Variants in PRR35 observed in about 807,000 individuals in gnomAD.
PRR35 encodes proline-rich protein 35.
A neutral mutation model predicts 18.6 loss-of-function variants in PRR35; 14 were observed. The observed-to-expected ratio is 0.75, with a 90% CI of 0.50 to 1.18. The LOEUF (loss-of-function observed/expected upper bound fraction) is 1.18, where lower values mean the gene tolerates loss of function less well. Among genes scored for constraint, PRR35 ranks in the 50% most tolerant of loss-of-function variants. PRR35 has a pLI of 0.00. For synonymous variants in PRR35, 425 were observed against 378.2 expected (o/e 1.12, Z -1.43); for missense variants, 832 against 792.2 (o/e 1.05, Z -0.60).
rs1295626066 is a variant in PRR35 at position 560,486 on chromosome 16, G to C, written c.-215G>C. 4 of 982,376 alleles carry C rather than the reference G, an allele frequency of 4.1e-6. No individual in the cohort carries two copies. In the East Asian group the frequency reaches 4.6e-4, roughly 112 times the overall value. 60.9% of individuals were successfully genotyped at this position (982,376 alleles called of 1,614,324 possible). On this transcript the variant is annotated 5_prime_UTR_variant, in exon 1 of 3. Coordinates refer to ENST00000409413, the MANE Select transcript of PRR35 (RefSeq NM_145270.3). ...GCTCGAGGGACCGCGGACCCGGGAG[G>C]TCCGGCTCCCGGCGCCGGGCCTCAG...
intron 1 of PRR35, among the ~76,000 whole-genome samples, chr16:562,933 G>T (rs561215486): frequency 6.6e-6 from 1 of 152,138 alleles, no homozygotes; most frequent in African/African-American, 2.4e-5. Flanking sequence ...GATAAACAAT[G>T]AACACCTTTC....
chr16:562,511 GCA>G (rs994740397), intron 1 of PRR35, among the ~76,000 whole-genome samples: 65 of 119,764 alleles, frequency 5.4e-4, no homozygotes, highest in Admixed American at 1.5e-3. Flanking sequence ...AGAGGCACAT[GCA>G]CACACAGGCG....
At chr16:564,450 G>T in intron 2 of PRR35, 74 bp downstream of exon 2, 1 of 1,537,480 alleles carries the variant, frequency 6.5e-7, no homozygotes, top group Non-Finnish European at 8.7e-7. Flanking sequence ...TTGGGCGGCT[G>T]GGCATGGCGG....
At position 565,226 on chromosome 16, in the gene PRR35, G is replaced by GGGCACCTGTGTTGCGACGA; in HGVS notation, c.1638_1656dup (p.Ser553HisfsTer12). 1 of 1,609,002 alleles carries GGGCACCTGTGTTGCGACGA rather than the reference G, an allele frequency of 6.2e-7. No individual in the cohort carries two copies. Among genetic ancestry groups the GGGCACCTGTGTTGCGACGA allele is most frequent in the Non-Finnish European group, 8.5e-7 (1 of 1,178,264 alleles). On this transcript the variant is annotated frameshift_variant, in exon 3 of 3. Transcript: ENST00000409413. LOFTEE classifies it low-confidence loss of function (END_TRUNC). ...ACCCTGTCATTCCTGGCAGTGGCTG[G>GGGCACCTGTGTTGCGACGA]GGCACCTGTGTTGCGACGAGGAGTT...
chr16:565,487 T>G lies in PRR35; in HGVS notation c.*180T>G, dbSNP rs2035524559. On this transcript the variant is annotated 3_prime_UTR_variant, in exon 3 of 3. Transcript: ENST00000409413. ...CAGGGACACTGGAGGTCACAGTTAT[T>G]TATTGATCACAATTGTGGACATTAA... 4 of 575,520 alleles carry G rather than the reference T, an allele frequency of 7.0e-6. No individual in the cohort carries two copies. In the South Asian group the frequency reaches 1.4e-4, roughly 21 times the overall value. The allele number at this position is 575,520 out of a possible 1,614,324, so 35.7% of individuals were successfully genotyped here.
intron 1 of PRR35, among the ~76,000 whole-genome samples, chr16:561,015 C>G (rs984858137): frequency 6.9e-6 from 1 of 144,740 alleles, no homozygotes; most frequent in African/African-American, 2.8e-5. Context: ...TGTGGGGGTG[C>G]CTGTGCCCCC....
rs749056282 is a variant in PRR35 at position 565,327 on chromosome 16, G to A, written c.*20G>A. ...GTCTGACCTGCAGCGCCTGAGGTCTGACTGTCTCTGCCTGCAGCATGCCGG... is the reference window on the plus strand; with the variant it reads ...GTCTGACCTGCAGCGCCTGAGGTCTAACTGTCTCTGCCTGCAGCATGCCGG... On this transcript the variant is annotated 3_prime_UTR_variant, in exon 3 of 3. Coordinates refer to ENST00000409413, the MANE Select transcript of PRR35 (RefSeq NM_145270.3). The A allele has an allele frequency of 2.9e-5, 42 of 1,453,406 alleles. No individual in the cohort carries two copies. Among genetic ancestry groups the A allele is most frequent in the Non-Finnish European group, 3.5e-5 (39 of 1,102,508 alleles). The allele number at this position is 1,453,406 out of a possible 1,614,324, so 90.0% of individuals were successfully genotyped here.
Position 563,530 on chromosome 16 carries a change from G to A in PRR35, c.236G>A (p.Gly79Asp). 1 of 1,611,494 alleles carries A rather than the reference G, an allele frequency of 6.2e-7. No individual in the cohort carries two copies. Reference protein sequence around the residue: ...LDSPDWACRRGSTTPRPHAPT... With the variant: ...LDSPDWACRRDSTTPRPHAPT... ...TCCCCAGACTGGGCGTGCCGCCGTG[G>A]CTCCACCACGCCTAGGCCCCACGCA... The change falls in exon 2 of 3, where the codon GGC (glycine) becomes GAC (aspartate). Residue 79 changes from glycine (G) to aspartate (D), a missense_variant. Gly to Asp is a moderately conservative substitution (Grantham distance 94, BLOSUM62 -1). Transcript: ENST00000409413.
In PRR35 at chr16:563,314, C is replaced by T. The variant is rs199703751; in HGVS notation, c.20C>T (p.Ser7Leu). ...GCTGCCATGTCGCGGGAGGCGGGCT[C>T]ATGCCGCGTGGGCACAGGGGCGAGG... is the stretch of plus-strand genomic sequence containing the variant. MSREAG[S>L]CRVGTGARAR... The change falls in exon 2 of 3, where the codon TCA becomes TTA. Residue 7 changes from serine to leucine, a missense_variant. By Grantham distance (145) the Ser-to-Leu change is moderately radical (BLOSUM62 -2). This residue lies in a region of PRR35 where 56 missense variants were observed against 64.8 expected (regional missense o/e 0.86). Transcript: ENST00000409413. The T allele has an allele frequency of 1.6e-5, 26 of 1,609,318 alleles. No homozygotes were observed. The highest frequency in any genetic ancestry group is 3.3e-5 in the Admixed American group (2 of 59,870).
In PRR35 at chr16:564,735, A is replaced by T. The variant is rs935670890; in HGVS notation, c.1144A>T (p.Thr382Ser). 6.5e-7 allele frequency: 1 copy of T among 1,532,024 alleles called. No homozygotes were observed. Among genetic ancestry groups the T allele is most frequent in the Admixed American group, 2.0e-5 (1 of 50,868 alleles). 94.9% of individuals were successfully genotyped at this position (1,532,024 alleles called of 1,614,324 possible). The change falls in exon 3 of 3, where the codon ACC becomes TCC. Residue 382 changes from threonine (T) to serine (S), a missense_variant. By Grantham distance (58) the Thr-to-Ser change is moderately conservative. Around this residue, in one of 3 missense-constraint regions of PRR35, gnomAD observed 768 missense variants for 704.1 expected, o/e 1.09. Coordinates refer to ENST00000409413, the MANE Select transcript of PRR35 (RefSeq NM_145270.3). ...GGACGGGGATCCAGGCGGCCCTGAG[A>T]CCCCCGGCCCTGAGGGCCCCCTCCC... ...PEDGDPGGPE[T>S]PGPEGPLPLQ...
At chr16:561,684 G>A (rs544174573) in intron 1 of PRR35, 9 of 966,350 alleles carry the variant, frequency 9.3e-6, no homozygotes, top group East Asian at 1.1e-4. Flanking sequence ...CCTGTTGGTC[G>A]TCCCCCCAAC....
In PRR35 at chr16:564,987, G is replaced by A. The variant is rs772970667; in HGVS notation, c.1396G>A (p.Asp466Asn). Reference sequence around the variant, plus strand: ...CGTGAGGCCGCCAGACGCACCCCTCGACCTCTCTGTGAAACGTGCGCCCGC... The same window carrying A: ...CGTGAGGCCGCCAGACGCACCCCTCAACCTCTCTGTGAAACGTGCGCCCGC... ...QAVRPPDAPL[D>N]LSVKRAPAKG... Residue 466 changes from aspartate (D) to asparagine (N), a missense_variant, in exon 3 of 3, where the codon GAC becomes AAC. This residue lies in a region of PRR35 where 768 missense variants were observed against 704.1 expected (regional missense o/e 1.09). Transcript: ENST00000409413. The A allele has an allele frequency of 1.2e-5, 19 of 1,607,450 alleles. No individual in the cohort carries two copies. The highest frequency in any genetic ancestry group is 1.0e-4 in the Admixed American group (6 of 59,588).
intron 1 of PRR35, among the ~76,000 whole-genome samples, chr16:562,435 C>G (rs1490308933): frequency 6.6e-6 from 1 of 152,192 alleles, no homozygotes; most frequent in East Asian, 1.9e-4. Context: ...CACACGCACT[C>G]ACACATGCAT....
Position 563,613 on chromosome 16 carries a change from C to CT in PRR35, c.319_320insT (p.Pro107LeufsTer9), listed in dbSNP as rs2035479547. On this transcript the variant is annotated frameshift_variant, in exon 2 of 3. Transcript: ENST00000409413. LOFTEE classifies it high-confidence loss of function. ...CGGCAGGCAACCCCAGGGAGCACGG[C>CT]CCACAGGTGCTGCCCCCGCGCCTGA... The CT allele has an allele frequency of 1.3e-6, 2 of 1,588,026 alleles. No homozygotes were observed. The highest frequency in any genetic ancestry group is 1.7e-6 in the Non-Finnish European group (2 of 1,172,282).
In PRR35 at chr16:564,217, G is replaced by T; in HGVS notation, c.923G>T (p.Gly308Val). 3.8e-6 allele frequency: 6 copies of T among 1,570,644 alleles called. No individual in the cohort carries two copies. Among genetic ancestry groups the T allele is most frequent in the Non-Finnish European group, 5.2e-6 (6 of 1,164,322 alleles). ...APGLLKVPVP[G>V]LGPWPRVTPR... ...GGCCTGCTGAAGGTGCCAGTTCCAG[G>T]GCTGGGGCCCTGGCCCCGAGTCACC... The change falls in exon 2 of 3, where the codon GGG becomes GTG. Residue 308 changes from glycine (G) to valine (V), a missense_variant. Physicochemically the swap from Gly to Val is moderately radical, Grantham distance 109. This residue lies in a region of PRR35 where 768 missense variants were observed against 704.1 expected (regional missense o/e 1.09). Coordinates refer to ENST00000409413, the MANE Select transcript of PRR35 (RefSeq NM_145270.3).
In PRR35 at chr16:563,771, T is replaced by C. The variant is rs1299689549; in HGVS notation, c.477T>C (p.Pro159=). 2.7e-6 allele frequency: 4 copies of C among 1,500,940 alleles called. No individual in the cohort carries two copies. The highest frequency in any genetic ancestry group is 3.6e-6 in the Non-Finnish European group (4 of 1,125,420). 93.0% of individuals were successfully genotyped at this position (1,500,940 alleles called of 1,614,324 possible). ...GTCCCGGCCCCAGTGGGCTCCTGCC[T>C]GAGTCGTGGAAGCCGGGGATGGGAG... is the stretch of plus-strand genomic sequence containing the variant. The part of the protein sequence containing the change: ...RKGPGPSGLL[P]ESWKPGMGGD... Residue 159 remains proline (P), a synonymous_variant, in exon 2 of 3, where the codon CCT becomes CCC. Coordinates refer to ENST00000409413, the MANE Select transcript of PRR35 (RefSeq NM_145270.3).
chr16:562,184 G>T (rs2035444806), intron 1 of PRR35, among the ~76,000 whole-genome samples: 1 of 152,242 alleles, frequency 6.6e-6, no homozygotes, highest in South Asian at 2.1e-4. Flanking sequence ...CGCCGTGTGG[G>T]GCGTGGGGAG....
In PRR35 at chr16:564,353, G is replaced by A; in HGVS notation, c.1059G>A (p.Leu353=). 1 of 1,587,840 alleles carries A rather than the reference G, an allele frequency of 6.3e-7. No homozygotes were observed. Residue 353 remains leucine (L), a synonymous_variant, in exon 2 of 3, where the codon CTG becomes CTA. Transcript: ENST00000409413. ...RLELPKASPS[L]TRFCSRSSLP... The stretch of plus-strand genomic sequence containing the variant: ...AGCTTCCGAAGGCATCCCCCAGCCT[G>A]ACAAGGTTCTGTTCCCGGAGCAGGT...
intron 1 of PRR35, among the ~76,000 whole-genome samples, chr16:562,088 GGCGTGCTGTGCACCCCACACAGGC>G (rs2035442666): frequency 6.6e-6 from 1 of 152,256 alleles, no homozygotes; most frequent in Admixed American, 6.5e-5. Context: ...CGTGTGCGCA[GGCGTGCTGTGCACCCCACACAGGC>G]GCGTGCTGGG....
Sources: gnomAD v4.1 joint callset for allele counts (sites outside exome capture counted in the v4.1 genomes callset) on GRCh38, gnomAD v4.1.1 for gene constraint, gnomAD v4.1.1 regional missense constraint, MANE v1.5 for transcripts, NCBI Gene and HGNC (gene_info 2026-07-23, HGNC 2026-07-21) for gene names.